The following SLC4A10 variants were observed in gnomAD, a reference collection of about 807,000 sequenced individuals.
The protein encoded by SLC4A10 is sodium-driven chloride bicarbonate exchanger.
SLC4A10 carries 42 observed loss-of-function variants against 137.7 expected under a neutral mutation model. That is an observed-to-expected ratio of 0.30 (90% confidence interval 0.24 to 0.39). The LOEUF is 0.39. Among genes scored for constraint, SLC4A10 ranks in the 10% least tolerant of loss-of-function variants. The pLI, the probability that SLC4A10 is intolerant of heterozygous loss-of-function variation, is 1.00. For missense variants in SLC4A10, 925 were observed against 1,355.0 expected (o/e 0.68, Z 4.98); for synonymous variants, 474 against 464.1 (o/e 1.02, Z -0.27).
intron 1 of SLC4A10, among the ~76,000 whole-genome samples, chr2:161,734,638 T>G (rs1408244690): frequency 1.3e-5 from 2 of 152,204 alleles, no homozygotes; most frequent in African/African-American, 4.8e-5. Flanking sequence ...TAAAGTAACT[T>G]TTAAACGAGA....
intron 15 of SLC4A10, among the ~76,000 whole-genome samples, chr2:161,906,839 G>C (rs922531358): frequency 6.6e-6 from 1 of 152,022 alleles, no homozygotes; most frequent in African/African-American, 2.4e-5. Context: ...CGGATCACGA[G>C]GTCAGGAGAT....
intron 1 of SLC4A10, among the ~76,000 whole-genome samples, chr2:161,671,940 G>C (rs934571953): frequency 6.6e-6 from 1 of 152,172 alleles, no homozygotes; most frequent in Admixed American, 6.5e-5. Flanking sequence ...TTGGTGATGA[G>C]AGGAAAGAAC....
intron 2 of SLC4A10, among the ~76,000 whole-genome samples, chr2:161,795,942 C>T (rs546280582): frequency 6.6e-6 from 1 of 152,054 alleles, no homozygotes; most frequent in Admixed American, 6.6e-5. Context: ...CTCTAGTATC[C>T]TCAGCTTGTA....
At chr2:161,961,333 G>A (rs902122219) in intron 21 of SLC4A10, among the ~76,000 whole-genome samples, 3 of 152,146 alleles carry the variant, frequency 2.0e-5, no homozygotes, top group African/African-American at 7.2e-5. Flanking sequence ...ACCCAAAGTT[G>A]ATAGTATGAC....
chr2:161,748,276 C>T lies in SLC4A10; in HGVS notation c.49-22697C>T, dbSNP rs141606583. On this transcript the variant is annotated intron_variant, in intron 1 of 26. Transcript: ENST00000446997. ...TTGCTGTGCAGAAACTTCTTAGTTTCATGTAGGTCTACCTGTTCATTTTTG... is the reference window on the plus strand; with the variant it reads ...TTGCTGTGCAGAAACTTCTTAGTTTTATGTAGGTCTACCTGTTCATTTTTG... Among the ~76,000 whole-genome samples, 781 of 152,126 alleles carry T rather than the reference C, an allele frequency of 5.1e-3. 3 individuals are homozygous for T. Among genetic ancestry groups the T allele is most frequent in the South Asian group, 0.015 (70 of 4,818 alleles).
intron 1 of SLC4A10, among the ~76,000 whole-genome samples, chr2:161,684,173 C>T (rs866922298): frequency 2.0e-5 from 3 of 152,050 alleles, no homozygotes; most frequent in Non-Finnish European, 2.9e-5. Flanking sequence ...CTTGACTTAG[C>T]GTGATATTTT....
chr2:161,822,734 G>A (rs1269590518), intron 3 of SLC4A10, among the ~76,000 whole-genome samples: 1 of 152,058 alleles, frequency 6.6e-6, no homozygotes, highest in Non-Finnish European at 1.5e-5. Context: ...CAGCCTTTTG[G>A]GAGGCCTAGA....
chr2:161,814,778 A>T (rs552894065), intron 3 of SLC4A10, among the ~76,000 whole-genome samples: 1 of 152,164 alleles, frequency 6.6e-6, no homozygotes, highest in South Asian at 2.1e-4. Context: ...GAGGAGAGGG[A>T]GGGTGGGGAA....
At chr2:161,771,208 T>G (rs989532604) in intron 2 of SLC4A10, among the ~76,000 whole-genome samples, 154 bp downstream of exon 2, 7 of 151,810 alleles carry the variant, frequency 4.6e-5, no homozygotes, top group Non-Finnish European at 1.0e-4. Flanking sequence ...TTTGGTACAG[T>G]TTGGAATGTC....
intron 15 of SLC4A10, among the ~76,000 whole-genome samples, chr2:161,907,946 G>T (rs1414667923): frequency 1.3e-5 from 2 of 152,082 alleles, no homozygotes; most frequent in African/African-American, 4.8e-5. Context: ...TGGTAGGAAG[G>T]CACCCATTGC....
At chr2:161,822,110 A>G (rs549550578) in intron 3 of SLC4A10, among the ~76,000 whole-genome samples, 48 of 152,352 alleles carry the variant, frequency 3.2e-4, no homozygotes, top group Non-Finnish European at 5.4e-4. Context: ...TTACTTACAA[A>G]TAGTATTTTA....
At chr2:161,774,721 C>T (rs2052100823) in intron 2 of SLC4A10, among the ~76,000 whole-genome samples, 1 of 151,850 alleles carries the variant, frequency 6.6e-6, no homozygotes, top group Non-Finnish European at 1.5e-5. Flanking sequence ...ATCAGAGTTC[C>T]ATGTGGAATC....
At chr2:161,831,031 G>A (rs1032242494) in intron 3 of SLC4A10, among the ~76,000 whole-genome samples, 3 of 152,088 alleles carry the variant, frequency 2.0e-5, no homozygotes, top group Non-Finnish European at 2.9e-5. Context: ...AGATGTCTAA[G>A]ACAGCTACAA....
At chr2:161,827,563 T>C (rs1411101488) in intron 3 of SLC4A10, among the ~76,000 whole-genome samples, 1 of 152,048 alleles carries the variant, frequency 6.6e-6, no homozygotes, top group Non-Finnish European at 1.5e-5. Flanking sequence ...TAATATTATG[T>C]GATTCTTTTT....
intron 1 of SLC4A10, among the ~76,000 whole-genome samples, chr2:161,767,300 A>G (rs1359336951): frequency 6.7e-6 from 1 of 148,666 alleles, no homozygotes; most frequent in Non-Finnish European, 1.5e-5. Context: ...TTTATTCGGT[A>G]TAAAACATAA....
At chr2:161,932,838 C>T (rs936728468) in intron 15 of SLC4A10, among the ~76,000 whole-genome samples, 1 of 152,054 alleles carries the variant, frequency 6.6e-6, no homozygotes, top group Non-Finnish European at 1.5e-5. Context: ...AGAGTTGGAG[C>T]TACAGTTGCT....
intron 2 of SLC4A10, among the ~76,000 whole-genome samples, chr2:161,779,110 A>G (rs1258339241): frequency 6.6e-6 from 1 of 152,008 alleles, no homozygotes; most frequent in Non-Finnish European, 1.5e-5. Flanking sequence ...GGAAGGTCAA[A>G]GTGGAAGTGG....
chr2:161,919,450 A>ACACACTTCTTCCCCTCTGGAGCC (rs1395739132), intron 15 of SLC4A10, among the ~76,000 whole-genome samples: 3 of 152,034 alleles, frequency 2.0e-5, no homozygotes, highest in African/African-American at 7.2e-5. Context: ...ACCAATCAGC[A>ACACACTTCTTCCCCTCTGGAGCC]CACACTTCTT....
intron 1 of SLC4A10, among the ~76,000 whole-genome samples, chr2:161,725,168 T>C (rs1341667864): frequency 1.3e-5 from 2 of 152,150 alleles, no homozygotes; most frequent in Non-Finnish European, 2.9e-5. Flanking sequence ...TGGGCCAGAC[T>C]CTGAGGTGCT....
Sources: allele counts gnomAD v4.1 joint callset (sites outside exome capture counted in the v4.1 genomes callset), GRCh38; gene constraint gnomAD v4.1.1; transcripts MANE v1.5; gene names NCBI Gene and HGNC (gene_info 2026-07-23, HGNC 2026-07-21).